Variants in ZNF862 observed in about 807,000 individuals in gnomAD.
ZNF862 encodes zinc finger protein 862.
Under a neutral mutation model 91.1 loss-of-function variants are expected in ZNF862, and 64 were observed. The ratio of observed to expected loss-of-function variants is 0.70; its 90% CI spans 0.57 to 0.87. ZNF862 has a LOEUF of 0.87. Among genes scored for constraint, ZNF862 ranks in the 40% least tolerant of loss-of-function variants. The pLI, the probability that ZNF862 is intolerant of heterozygous loss-of-function variation, is 0.00. For synonymous variants in ZNF862, 631 were observed against 618.1 expected (o/e 1.02, Z -0.31); for missense variants, 1,459 against 1,528.0 (o/e 0.95, Z 0.75).
intron 4 of ZNF862, among the ~76,000 whole-genome samples, chr7:149,849,802 T>G (rs1801999458): frequency 6.6e-6 from 1 of 152,166 alleles, no homozygotes; most frequent in African/African-American, 2.4e-5. Flanking sequence ...TGGGAAATCT[T>G]AGGTGCTCCT....
chr7:149,861,128 C>A lies in ZNF862; in HGVS notation c.1968C>A (p.Tyr656Ter). The A allele has an allele frequency of 6.2e-7, 1 of 1,613,008 alleles. No individual in the cohort carries two copies. The highest frequency in any genetic ancestry group is 1.1e-5 in the South Asian group (1 of 91,044). The change falls in exon 7 of 8, where the codon TAC (tyrosine) becomes TAA (stop). Residue 656 changes from tyrosine to a stop codon, truncating the protein, a stop_gained. Coordinates refer to ENST00000223210, the MANE Select transcript of ZNF862 (RefSeq NM_001099220.3). LOFTEE classifies it high-confidence loss of function. This position sits in a 1 kb window ranked among gnomAD's most constrained non-coding sequence, Gnocchi z 6.7. ...YFKQMEVKES[Y>*]ITLAPLYSET... Reference sequence around the variant, plus strand: ...AGCAGATGGAGGTGAAAGAGTCCTACATCACTCTGGCCCCTCTCTACAGTG... The same window carrying A: ...AGCAGATGGAGGTGAAAGAGTCCTAAATCACTCTGGCCCCTCTCTACAGTG...
chr7:149,859,686 C>T, intron 6 of ZNF862, 160 bp downstream of exon 6: 7 of 616,904 alleles, frequency 1.1e-5, no homozygotes, highest in Non-Finnish European at 2.0e-5. Context: ...AAGCAACTAA[C>T]CCTGCCCACA....
At chr7:149,856,394 A>T (rs1482358341) in intron 5 of ZNF862, 1 of 152,130 alleles carries the variant, frequency 6.6e-6, no homozygotes, top group Non-Finnish European at 1.5e-5. Flanking sequence ...CATTGGTATA[A>T]ATTATTTGCC....
At chr7:149,838,773 C>T (rs1455372059) in intron 1 of ZNF862, 138 bp downstream of exon 1, 1 of 542,938 alleles carries the variant, frequency 1.8e-6, no homozygotes, top group Non-Finnish European at 2.8e-6. Flanking sequence ...CCCGCCCTCT[C>T]TTCCCGCACT....
chr7:149,863,565 GCT>G, intron 7 of ZNF862, among the ~76,000 whole-genome samples: 1 of 152,248 alleles, frequency 6.6e-6, no homozygotes, highest in East Asian at 1.9e-4. Flanking sequence ...TGGGTGAGTT[GCT>G]CTGTGTCCAG....
chr7:149,861,575 C>A lies in ZNF862; in HGVS notation c.2415C>A (p.Pro805=). ...TGCACGCGCTGCTCGTGAGCTGGCC[C>A]GCCCTGGCCAGGCACCTCCAGAGGG... The part of the protein sequence containing the change: ...RTLHALLVSW[P]ALARHLQRVA... The change falls in exon 7 of 8, where the codon CCC becomes CCA. Residue 805 remains proline (P), a synonymous_variant. Coordinates refer to ENST00000223210, the MANE Select transcript of ZNF862 (RefSeq NM_001099220.3). The surrounding 1 kb of genome is among the most constrained non-coding windows in gnomAD (Gnocchi z 6.7). 1 of 1,595,096 alleles carries A rather than the reference C, an allele frequency of 6.3e-7. No homozygotes were observed. Among genetic ancestry groups the A allele is most frequent in the African/African-American group, 1.3e-5 (1 of 74,728 alleles).
At position 149,861,145 on chromosome 7, in the gene ZNF862, T is replaced by C; in HGVS notation, c.1985T>C (p.Leu662Pro). The change falls in exon 7 of 8, where the codon CTC becomes CCC. Residue 662 changes from leucine (L) to proline (P), a missense_variant. By Grantham distance (98) the Leu-to-Pro change is moderately conservative. Coordinates refer to ENST00000223210, the MANE Select transcript of ZNF862 (RefSeq NM_001099220.3). The surrounding 1 kb of genome is among the most constrained non-coding windows in gnomAD (Gnocchi z 6.7). Reference protein sequence around the residue: ...VKESYITLAPLYSETADGYFE... With the variant: ...VKESYITLAPPYSETADGYFE... ...GAGTCCTACATCACTCTGGCCCCTC[T>C]CTACAGTGAGACAGCAGATGGGTAC... 1 of 1,613,068 alleles carries C rather than the reference T, an allele frequency of 6.2e-7. No individual in the cohort carries two copies. The highest frequency in any genetic ancestry group is 8.5e-7 in the Non-Finnish European group (1 of 1,179,868).
chr7:149,838,523 A>T lies in ZNF862; in HGVS notation c.-89A>T, dbSNP rs902428860. On this transcript the variant is annotated 5_prime_UTR_variant, in exon 1 of 8. Transcript: ENST00000223210. ...TACCTGGGTGCCCTCCCCCTCCGGG[A>T]GCCTGGGTCCCCGGGGCGGTCGCGG... 1 of 934,352 alleles carries T rather than the reference A, an allele frequency of 1.1e-6. No individual in the cohort carries two copies. The allele number at this position is 934,352 out of a possible 1,614,324, so 57.9% of individuals were successfully genotyped here.
chr7:149,851,773 A>G (rs1802074605), intron 5 of ZNF862: 1 of 152,246 alleles, frequency 6.6e-6, no homozygotes, highest in Admixed American at 6.5e-5. Context: ...TACGTAAATT[A>G]GGCAGTAGGG....
chr7:149,860,518 C>T lies in ZNF862; in HGVS notation c.1358C>T (p.Pro453Leu). 6.2e-7 allele frequency: 1 copy of T among 1,613,920 alleles called. No homozygotes were observed. Among genetic ancestry groups the T allele is most frequent in the Non-Finnish European group, 8.5e-7 (1 of 1,179,872 alleles). Residue 453 changes from proline to leucine, a missense_variant, in exon 7 of 8, where the codon CCT becomes CTT. By Grantham distance (98) the Pro-to-Leu change is moderately conservative (BLOSUM62 -3). Coordinates refer to ENST00000223210, the MANE Select transcript of ZNF862 (RefSeq NM_001099220.3). Reference protein sequence around the residue: ...SSSICEEGDGPRRIKRTYRPR... With the variant: ...SSSICEEGDGLRRIKRTYRPR... ...AGCATTTGTGAGGAAGGAGATGGACCTAGGAGAATCAAGAGGACATACAGG... is the reference window on the plus strand; with the variant it reads ...AGCATTTGTGAGGAAGGAGATGGACTTAGGAGAATCAAGAGGACATACAGG...
chr7:149,857,868 G>C (rs1362131908), intron 5 of ZNF862, among the ~76,000 whole-genome samples: 2 of 152,126 alleles, frequency 1.3e-5, no homozygotes, highest in East Asian at 1.9e-4. Context: ...GAGTCGAGCA[G>C]TGCACCCCTT....
rs1016610885 is a variant in ZNF862 at position 149,850,102 on chromosome 7, T to C, written c.940-59T>C. ...ATAGGGCTTCCAAAGGCCCCAGAAG[T>C]GTCACGTGGGAGTCTGGCTCGGCAG... On this transcript the variant is annotated intron_variant, in intron 4 of 7. Transcript: ENST00000223210. This position sits in a 1 kb window ranked among gnomAD's most constrained non-coding sequence, Gnocchi z 4.2. 1 of 1,537,098 alleles carries C rather than the reference T, an allele frequency of 6.5e-7. No individual in the cohort carries two copies. Among genetic ancestry groups the C allele is most frequent in the Non-Finnish European group, 8.8e-7 (1 of 1,135,850 alleles).
chr7:149,850,158 C>T lies in ZNF862; in HGVS notation c.940-3C>T. The T allele has an allele frequency of 1.3e-6, 2 of 1,559,710 alleles. No homozygotes were observed. Among genetic ancestry groups the T allele is most frequent in the Non-Finnish European group, 1.7e-6 (2 of 1,152,492 alleles). The stretch of plus-strand genomic sequence containing the variant: ...GCTGAGTGGCCGCTGCTCTTTGTTC[C>T]AGGACCCTTCTGCAGAGGGGCTGTC... On this transcript the variant is annotated splice_region_variant and splice_polypyrimidine_tract_variant and intron_variant, in intron 4 of 7. Transcript: ENST00000223210. The surrounding 1 kb of genome is among the most constrained non-coding windows in gnomAD (Gnocchi z 4.2).
rs1034487464 is a variant in ZNF862, at chr7:149,861,089, C to T, written c.1929C>T (p.Tyr643=). The T allele has an allele frequency of 6.2e-7, 1 of 1,612,886 alleles. No homozygotes were observed. The highest frequency in any genetic ancestry group is 8.5e-7 in the Non-Finnish European group (1 of 1,179,792). The change falls in exon 7 of 8, where the codon TAC becomes TAT. Residue 643 remains tyrosine, a synonymous_variant. Coordinates refer to ENST00000223210, the MANE Select transcript of ZNF862 (RefSeq NM_001099220.3). This position sits in a 1 kb window ranked among gnomAD's most constrained non-coding sequence, Gnocchi z 6.7. ...CCGAGCAGGCCTGCGTGGGGATTTA[C>T]ATCCGCTACTTCAAGCAGATGGAGG... ...DASEQACVGI[Y]IRYFKQMEVK...
rs1006279311 is a variant in ZNF862 at position 149,850,475 on chromosome 7, C to T, written c.1117+137C>T. On this transcript the variant is annotated intron_variant, in intron 5 of 7. Transcript: ENST00000223210. This position sits in a 1 kb window ranked among gnomAD's most constrained non-coding sequence, Gnocchi z 4.2. The stretch of plus-strand genomic sequence containing the variant: ...GCAGAGACCGATCCTGTCTTTTGCA[C>T]CTCATAACTCCCCTGCTTGGGGTAA... The T allele has an allele frequency of 1.2e-6, 1 of 837,674 alleles. No homozygotes were observed. Among genetic ancestry groups the T allele is most frequent in the Non-Finnish European group, 1.8e-6 (1 of 553,330 alleles). 51.9% of individuals were successfully genotyped at this position (837,674 alleles called of 1,614,324 possible).
At position 149,838,512 on chromosome 7, in the gene ZNF862, C is replaced by A; in HGVS notation, c.-100C>A. 1.2e-6 allele frequency: 1 copy of A among 824,662 alleles called. No individual in the cohort carries two copies. Among genetic ancestry groups the A allele is most frequent in the Non-Finnish European group, 1.6e-6 (1 of 615,604 alleles). The allele number at this position is 824,662 out of a possible 1,614,324, so 51.1% of individuals were successfully genotyped here. ...CGCTCCCTCCCTACCTGGGTGCCCT[C>A]CCCCTCCGGGAGCCTGGGTCCCCGG... is the stretch of plus-strand genomic sequence containing the variant. On this transcript the variant is annotated 5_prime_UTR_variant, in exon 1 of 8. Coordinates refer to ENST00000223210, the MANE Select transcript of ZNF862 (RefSeq NM_001099220.3).
chr7:149,862,169 C>T lies in ZNF862; in HGVS notation c.3009C>T (p.Leu1003=), dbSNP rs1448951504. ...WLGLKTIAQH[L]PFSMLCKNAL... The stretch of plus-strand genomic sequence containing the variant: ...GCCTGAAAACCATTGCCCAGCACCT[C>T]CCGTTCTCCATGCTCTGCAAAAACG... Residue 1003 remains leucine, a synonymous_variant, in exon 7 of 8, where the codon CTC becomes CTT. Transcript: ENST00000223210. 1 of 1,613,298 alleles carries T rather than the reference C, an allele frequency of 6.2e-7. No individual in the cohort carries two copies. The highest frequency in any genetic ancestry group is 1.3e-5 in the African/African-American group (1 of 74,884).
rs375858569 is a variant in ZNF862, at chr7:149,862,213, G to T, written c.3053G>T (p.Arg1018Leu). ...AAAAACGCCCTGGCCCAGCACTGCCGCTTCCCCCTGCTAAGCAAGCTCATG... is the reference window on the plus strand; with the variant it reads ...AAAAACGCCCTGGCCCAGCACTGCCTCTTCCCCCTGCTAAGCAAGCTCATG... ...LCKNALAQHC[R>L]FPLLSKLMAV... is the part of the protein sequence containing the mutation. Residue 1018 changes from arginine to leucine, a missense_variant, in exon 7 of 8, where the codon CGC (arginine) becomes CTC (leucine). Transcript: ENST00000223210. The T allele has an allele frequency of 6.2e-7, 1 of 1,613,630 alleles. No individual in the cohort carries two copies. The highest frequency in any genetic ancestry group is 1.1e-5 in the South Asian group (1 of 91,072).
intron 7 of ZNF862, among the ~76,000 whole-genome samples, chr7:149,863,886 C>G (rs1802610032): frequency 1.3e-5 from 2 of 152,348 alleles, no homozygotes; most frequent in African/African-American, 4.8e-5. Flanking sequence ...CAGACATTGG[C>G]AAATGGCCCC....
Sources: gnomAD v4.1 joint callset for allele counts (sites outside exome capture counted in the v4.1 genomes callset) on GRCh38, gnomAD v4.1.1 for gene constraint, Gnocchi (gnomAD v3.1) non-coding constraint, MANE v1.5 for transcripts, NCBI Gene and HGNC (gene_info 2026-07-23, HGNC 2026-07-21) for gene names.